MAGEA12: variants seen among roughly 807,000 people sequenced by gnomAD.
MAGEA12 encodes melanoma-associated antigen 12.
For missense variants in MAGEA12, 235 were observed against 240.1 expected, an observed-to-expected ratio of 0.98 and a Z score of 0.14; for synonymous variants, 135 against 104.7, an observed-to-expected ratio of 1.29 and a Z score of -1.77.
chrX:152,735,599 A>T (rs1436572199), intron 2 of MAGEA12, among the ~76,000 whole-genome samples: 1 of 111,967 alleles, frequency 8.9e-6, no homozygotes, highest in Non-Finnish European at 1.9e-5. Context: ...TGGTCCCCTC[A>T]TGTCCTTCTG....
intron 2 of MAGEA12, among the ~76,000 whole-genome samples, chrX:152,735,458 G>A (rs1932292580): frequency 8.9e-6 from 1 of 111,792 alleles, no homozygotes; most frequent in South Asian, 3.8e-4. Flanking sequence ...AGTAGAGGGA[G>A]GCTCTCAGGC....
chrX:152,734,450 G>A (rs1326656331), intron 1 of MAGEA12, among the ~76,000 whole-genome samples: 4 of 111,187 alleles, frequency 3.6e-5, no homozygotes, highest in Non-Finnish European at 7.6e-5. Context: ...GAGTCCGGAG[G>A]GCTCCCAGCA....
chrX:152,735,786 CTG>C (rs782796879), intron 2 of MAGEA12, among the ~76,000 whole-genome samples: 1 of 112,193 alleles, frequency 8.9e-6, no homozygotes, highest in African/African-American at 3.2e-5. Context: ...TTTTGGGAAT[CTG>C]TGGCTGTACT....
intron 1 of MAGEA12, 83 bp from the exon 2 acceptor site, chrX:152,735,065 C>CGT (rs781933213): frequency 1.8e-5 from 2 of 112,347 alleles, no homozygotes; most frequent in Non-Finnish European, 3.8e-5. Context: ...CATCAGAAGC[C>CGT]TCACCCTAGA....
In MAGEA12 at chrX:152,737,195, CGT is replaced by C; in HGVS notation, c.*93_*94del. On this transcript the variant is annotated 3_prime_UTR_variant, in exon 3 of 3. Transcript: ENST00000393869. ...CCCCATCCATTAGTTTCCACTGCCTCGTGTGACATGAGGCCCATTCTTCACTC... is the reference window on the plus strand; with the variant it reads ...CCCCATCCATTAGTTTCCACTGCCTCGTGACATGAGGCCCATTCTTCACTC... 1 of 922,682 alleles carries C rather than the reference CGT, an allele frequency of 1.1e-6. No individual in the cohort carries two copies. The highest frequency in any genetic ancestry group is 1.6e-6 in the Non-Finnish European group (1 of 642,892). 76.0% of individuals were successfully genotyped at this position (922,682 alleles called of 1,213,427 possible).
chrX:152,735,657 G>T (rs868987199), intron 2 of MAGEA12, among the ~76,000 whole-genome samples: 9 of 112,249 alleles, frequency 8.0e-5, no homozygotes, highest in Admixed American at 1.9e-4. Flanking sequence ...TCTTTGGCCA[G>T]CAAAAGGGCG....
rs1894358 is a variant in MAGEA12 at position 152,736,335 on chromosome X, A to C, written c.174A>C (p.Ser58=). Residue 58 remains serine, a synonymous_variant, in exon 3 of 3, where the codon TCA becomes TCC. Coordinates refer to ENST00000393869, the MANE Select transcript of MAGEA12 (RefSeq NM_001166387.4). The part of the protein sequence containing the change: ...VTLREVPAAE[S]PSPPHSPQGA... ...TGCGGGAGGTGCCTGCTGCCGAGTCACCAAGTCCTCCCCACAGTCCTCAGG... is the reference window on the plus strand; with the variant it reads ...TGCGGGAGGTGCCTGCTGCCGAGTCCCCAAGTCCTCCCCACAGTCCTCAGG... The C allele has an allele frequency of 9.7e-3, 11,765 of 1,208,954 alleles. 1,008 individuals carry two copies. The Admixed American group carries it at 0.22, about 22-fold the overall frequency.
At chrX:152,735,967 C>T (rs782035140) in intron 2 of MAGEA12, 120 bp from the exon 3 acceptor site, 14 of 463,673 alleles carry the variant, frequency 3.0e-5, no homozygotes, top group Admixed American at 1.2e-4. Context: ...AGGGCCGCAC[C>T]GGCCCCAGAA....
chrX:152,734,880 C>G (rs1298789861), intron 1 of MAGEA12, among the ~76,000 whole-genome samples: 3 of 112,430 alleles, frequency 2.7e-5, no homozygotes. Context: ...CTAAGGGAAC[C>G]CGATCAGAGA....
Position 152,736,675 on chromosome X carries a change from A to G in MAGEA12, c.514A>G (p.Ile172Val). The G allele has an allele frequency of 2.5e-6, 3 of 1,212,013 alleles. No individual in the cohort carries two copies. The highest frequency in any genetic ancestry group is 3.3e-6 in the Non-Finnish European group (3 of 895,599). Residue 172 changes from isoleucine (I) to valine (V), a missense_variant, in exon 3 of 3, where the codon ATC (isoleucine) becomes GTC (valine). Coordinates refer to ENST00000393869, the MANE Select transcript of MAGEA12 (RefSeq NM_001166387.4). Reference sequence around the variant, plus strand: ...CATCGAGGTGGTGGAAGTGGTCCGCATCGGCCACTTGTACATCCTTGTCAC... The same window carrying G: ...CATCGAGGTGGTGGAAGTGGTCCGCGTCGGCCACTTGTACATCCTTGTCAC... ...FGIEVVEVVR[I>V]GHLYILVTCL...
At position 152,734,665 on chromosome X, in the gene MAGEA12, A is replaced by T. The variant is rs782195796; in HGVS notation, c.-181-483A>T. On this transcript the variant is annotated intron_variant, in intron 1 of 2. Transcript: ENST00000393869. ...CCTTGGGCTGGGGGATCCTGGGCAC[A>T]GTGGCCTAATGTGCCCCATGCTCAT... Among the ~76,000 whole-genome samples, 5 of 112,090 alleles carry T rather than the reference A, an allele frequency of 4.5e-5. No individual in the cohort carries two copies. In the South Asian group the frequency reaches 1.9e-3, roughly 42 times the overall value.
At chrX:152,734,671 C>G (rs1175561291) in intron 1 of MAGEA12, among the ~76,000 whole-genome samples, 1 of 111,890 alleles carries the variant, frequency 8.9e-6, no homozygotes, top group Non-Finnish European at 1.9e-5. Context: ...GCACAGTGGC[C>G]TAATGTGCCC....
chrX:152,734,321 G>T (rs1350089931), intron 1 of MAGEA12, among the ~76,000 whole-genome samples: 1 of 111,289 alleles, frequency 9.0e-6, no homozygotes, highest in Non-Finnish European at 1.9e-5. Flanking sequence ...CGGGAATGGC[G>T]GCCAAGCACG....
rs782004523 is a variant in MAGEA12 at position 152,736,747 on chromosome X, G to A, written c.586G>A (p.Val196Met). The change falls in exon 3 of 3, where the codon GTG becomes ATG. Residue 196 changes from valine to methionine, a missense_variant. Transcript: ENST00000393869. Reference protein sequence around the residue: ...YDGLLGDNQIVPKTGLLIIVL... With the variant: ...YDGLLGDNQIMPKTGLLIIVL... ...TGGCCTGCTGGGCGACAATCAGATCGTGCCCAAGACAGGCCTCCTGATAAT... is the reference window on the plus strand; with the variant it reads ...TGGCCTGCTGGGCGACAATCAGATCATGCCCAAGACAGGCCTCCTGATAAT... 5.1e-5 allele frequency: 62 copies of A among 1,210,212 alleles called. No homozygotes were observed. The highest frequency in any genetic ancestry group is 4.6e-4 in the Middle Eastern group (2 of 4,376).
At position 152,736,599 on chromosome X, in the gene MAGEA12, C is replaced by A. The variant is rs781998297; in HGVS notation, c.438C>A (p.Phe146Leu). The A allele has an allele frequency of 8.3e-7, 1 of 1,211,943 alleles. No individual in the cohort carries two copies. The highest frequency in any genetic ancestry group is 1.1e-6 in the Non-Finnish European group (1 of 895,585). Residue 146 changes from phenylalanine (F) to leucine (L), a missense_variant, in exon 3 of 3, where the codon TTC becomes TTA. Coordinates refer to ENST00000393869, the MANE Select transcript of MAGEA12 (RefSeq NM_001166387.4). ...LGSVIRNFQDFFPVIFSKASE... is the reference protein window; with the variant it reads ...LGSVIRNFQDLFPVIFSKASE... ...GTGTCATCAGAAATTTCCAGGACTT[C>A]TTTCCTGTGATCTTCAGCAAAGCCT...
chrX:152,737,274 G>A lies in MAGEA12; in HGVS notation c.*168G>A. 1.7e-6 allele frequency: 1 copy of A among 578,007 alleles called. No individual in the cohort carries two copies. The highest frequency in any genetic ancestry group is 2.6e-5 in the South Asian group (1 of 38,794). 47.6% of individuals were successfully genotyped at this position (578,007 alleles called of 1,213,427 possible). On this transcript the variant is annotated 3_prime_UTR_variant, in exon 3 of 3. Transcript: ENST00000393869. ...GTAGTGAGTTTCTGTTCTATTGGAT[G>A]ACTTTGAGATTTATCTTTGTTTCCT...
chrX:152,734,834 G>GATACCCC (rs2124973349), intron 1 of MAGEA12, among the ~76,000 whole-genome samples: 1 of 112,855 alleles, frequency 8.9e-6, no homozygotes, highest in East Asian at 2.8e-4. Context: ...AGAAAGAAGG[G>GATACCCC]ATGCCACAGA....
Position 152,736,141 on chromosome X carries a change from G to A in MAGEA12, c.-21G>A. 1 of 1,206,665 alleles carries A rather than the reference G, an allele frequency of 8.3e-7. No homozygotes were observed. The highest frequency in any genetic ancestry group is 1.1e-6 in the Non-Finnish European group (1 of 892,710). The stretch of plus-strand genomic sequence containing the variant: ...CTAGCTCCTGCCCACACTCCTACCT[G>A]CTGCCCTGACCAGAGTCATCATGCC... On this transcript the variant is annotated 5_prime_UTR_variant, in exon 3 of 3. Coordinates refer to ENST00000393869, the MANE Select transcript of MAGEA12 (RefSeq NM_001166387.4).
intron 2 of MAGEA12, among the ~76,000 whole-genome samples, chrX:152,735,781 G>T (rs1603456775): frequency 8.9e-6 from 1 of 111,942 alleles, no homozygotes; most frequent in South Asian, 3.8e-4. Context: ...GACAATTTTG[G>T]GAATCTGTGG....
Sources: gnomAD v4.1 joint callset for allele counts (sites outside exome capture counted in the v4.1 genomes callset) on GRCh38, gnomAD v4.1.1 for gene constraint, MANE v1.5 for transcripts, NCBI Gene and HGNC (gene_info 2026-07-23, HGNC 2026-07-21) for gene names.